The following IFI44 variants were observed in gnomAD, a reference collection of about 807,000 sequenced individuals.
IFI44 encodes interferon-induced protein 44.
IFI44 carries 42 observed loss-of-function variants against 45.0 expected under a neutral mutation model. The ratio of observed to expected loss-of-function variants is 0.93; its 90% confidence interval spans 0.73 to 1.21. IFI44 has a LOEUF of 1.21. IFI44 is among the 50% of genes most tolerant of loss of function. The pLI, the probability that IFI44 is intolerant of heterozygous loss-of-function variation, is 0.00. For missense variants in IFI44, 623 were observed against 525.8 expected (o/e 1.18, Z -1.81); for synonymous variants, 221 against 188.6 (o/e 1.17, Z -1.41).
chr1:78,659,471 T>C lies in IFI44; in HGVS notation c.1000T>C (p.Leu334=), dbSNP rs1300999122. Residue 334 remains leucine (L), a synonymous_variant, in exon 6 of 9, where the codon TTG becomes CTG. Transcript: ENST00000370747. ...IVKIKRIRRE[L]VNAGVVHVAL... ...AAAGATCAAAAGAATTCGAAGGGAG[T>C]TGGTAAACGCTGGTGAGTCTCATTC... 3 of 1,612,030 alleles carry C rather than the reference T, an allele frequency of 1.9e-6. No homozygotes were observed. Among genetic ancestry groups the C allele is most frequent in the African/African-American group, 2.7e-5 (2 of 74,840 alleles).
chr1:78,663,283 T>A, intron 8 of IFI44: 1 of 985,242 alleles, frequency 1.0e-6, no homozygotes, highest in Non-Finnish European at 1.2e-6. Flanking sequence ...CCTTAGGACC[T>A]TACACTCCTG....
intron 6 of IFI44, 26 bp downstream of exon 6, chr1:78,659,509 G>T (rs1647331227): frequency 6.3e-7 from 1 of 1,580,532 alleles, no homozygotes; most frequent in Admixed American, 1.7e-5. Flanking sequence ...CTTTGCTAAG[G>T]GTAATACCAC....
chr1:78,656,954 C>G (rs1465661317), intron 5 of IFI44, among the ~76,000 whole-genome samples: 2 of 151,496 alleles, frequency 1.3e-5, no homozygotes, highest in Admixed American at 6.6e-5. Flanking sequence ...TACTCAGCAT[C>G]AAAAATTTTT....
Position 78,662,744 on chromosome 1 carries a change from A to T in IFI44, c.1154A>T (p.Asp385Val). ...AGAAAACTTGGATTTGCTCTTTCTGACATCTCGGTGGTTAGCAATTATTCC... is the reference window on the plus strand; with the variant it reads ...AGAAAACTTGGATTTGCTCTTTCTGTCATCTCGGTGGTTAGCAATTATTCC... ...VQRKLGFALS[D>V]ISVVSNYSSE... The change falls in exon 8 of 9, where the codon GAC (aspartate) becomes GTC (valine). Residue 385 changes from aspartate to valine, a missense_variant. Coordinates refer to ENST00000370747, the MANE Select transcript of IFI44 (RefSeq NM_006417.5). 6.2e-7 allele frequency: 1 copy of T among 1,613,280 alleles called. No homozygotes were observed. The highest frequency in any genetic ancestry group is 2.2e-5 in the East Asian group (1 of 44,828).
At chr1:78,662,588 T>G (rs1647526045) in intron 7 of IFI44, 116 bp from the exon 8 acceptor site, 1 of 774,558 alleles carries the variant, frequency 1.3e-6, no homozygotes, top group Admixed American at 2.8e-5. Flanking sequence ...CTCCATTTTT[T>G]TCCAATGGGA....
intron 5 of IFI44, among the ~76,000 whole-genome samples, chr1:78,656,354 G>T (rs555032417): frequency 6.6e-6 from 1 of 152,182 alleles, no homozygotes; most frequent in Admixed American, 6.5e-5. Flanking sequence ...TTCAGATCTC[G>T]AATTAATCAG....
chr1:78,654,174 A>T (rs1178920694), intron 2 of IFI44, 69 bp from the exon 3 acceptor site: 1 of 821,258 alleles, frequency 1.2e-6, no homozygotes, highest in Non-Finnish European at 2.1e-6. Flanking sequence ...ATTCACTGAT[A>T]TTCATTCATT....
intron 5 of IFI44, among the ~76,000 whole-genome samples, chr1:78,656,257 C>T (rs1486066060): frequency 6.6e-6 from 1 of 152,164 alleles, no homozygotes; most frequent in African/African-American, 2.4e-5. Flanking sequence ...AAACACTGAG[C>T]ACTGTCAGTG....
Position 78,655,194 on chromosome 1 carries a change from T to C in IFI44, c.675T>C (p.Thr225=). The C allele has an allele frequency of 6.2e-7, 1 of 1,613,446 alleles. No homozygotes were observed. Among genetic ancestry groups the C allele is most frequent in the East Asian group, 2.2e-5 (1 of 44,858 alleles). ...THQALVGTNT[T]GISEKYRTYS... ...AGGCTTTGGTGGGCACTAATACAAC[T>C]GGGATATCTGAGAAGGTAAGCACAT... Residue 225 remains threonine, a synonymous_variant, in exon 4 of 9, where the codon ACT becomes ACC. Coordinates refer to ENST00000370747, the MANE Select transcript of IFI44 (RefSeq NM_006417.5).
At chr1:78,653,548 G>A (rs11577132) in intron 2 of IFI44, among the ~76,000 whole-genome samples, 7,038 of 152,074 alleles carry the variant, frequency 0.046, 244 homozygotes, top group Non-Finnish European at 0.073. Flanking sequence ...TGGTAGCATC[G>A]CTTATCCTTA....
chr1:78,660,817 G>C (rs1419765725), intron 7 of IFI44, 163 bp downstream of exon 7: 3 of 648,718 alleles, frequency 4.6e-6, no homozygotes, highest in Non-Finnish European at 8.5e-6. Context: ...AAATACAGTT[G>C]TTCCTTGGTA....
chr1:78,654,997 C>T lies in IFI44; in HGVS notation c.495-17C>T, dbSNP rs772388898. On this transcript the variant is annotated splice_polypyrimidine_tract_variant and intron_variant, in intron 3 of 8. Coordinates refer to ENST00000370747, the MANE Select transcript of IFI44 (RefSeq NM_006417.5). ...CCTAACCTCAGTCAATTGTTAAAAA[C>T]GGTCATGTCTAAACAGGCTCAGGAA... is the stretch of plus-strand genomic sequence containing the variant. The T allele has an allele frequency of 1.4e-5, 22 of 1,523,268 alleles. No homozygotes were observed. Among genetic ancestry groups the T allele is most frequent in the Admixed American group, 6.3e-5 (3 of 47,334 alleles). The allele number at this position is 1,523,268 out of a possible 1,614,324, so 94.4% of individuals were successfully genotyped here.
rs552933317 is a variant in IFI44 at position 78,658,072 on chromosome 1, C to T, written c.841-1240C>T. ...TCAGTGAGTAGAGTTAAGTAATATA[C>T]ATTTTAATGAAAAAAAATAAATTAT... On this transcript the variant is annotated intron_variant, in intron 5 of 8. Transcript: ENST00000370747. Among the ~76,000 whole-genome samples the T allele has an allele frequency of 7.5e-4, 114 of 152,062 alleles. 2 individuals are homozygous for T. The South Asian group carries it at 0.021, about 28-fold the overall frequency.
At position 78,660,636 on chromosome 1, in the gene IFI44, T is replaced by C. The variant is rs369926705; in HGVS notation, c.1095T>C (p.Cys365=). The C allele has an allele frequency of 4.3e-6, 7 of 1,611,528 alleles. No individual in the cohort carries two copies. The African/African-American group carries it at 6.7e-5, about 15-fold the overall frequency. Residue 365 remains cysteine, a synonymous_variant, in exon 7 of 9, where the codon TGT becomes TGC. Coordinates refer to ENST00000370747, the MANE Select transcript of IFI44 (RefSeq NM_006417.5). ...GTGACCTTATAGAAATAGAGAGATG[T>C]GAGCCTGTGAGGTCCAAGGTAATGA... The part of the protein sequence containing the change: ...TKGDLIEIER[C]EPVRSKLEEV...
chr1:78,663,613 C>T (rs1406501369), intron 8 of IFI44, 152 bp from the exon 9 acceptor site: 44 of 1,381,122 alleles, frequency 3.2e-5, no homozygotes, highest in Non-Finnish European at 3.7e-5. Context: ...CTAACTCTGC[C>T]ATCTTGGTTT....
At chr1:78,652,544 C>CT (rs1430003385) in intron 2 of IFI44, among the ~76,000 whole-genome samples, 1 of 152,182 alleles carries the variant, frequency 6.6e-6, no homozygotes, top group Non-Finnish European at 1.5e-5. Flanking sequence ...AGTTGTCTTC[C>CT]TTTTTTCCCT....
intron 3 of IFI44, 62 bp from the exon 4 acceptor site, chr1:78,654,952 T>A: frequency 8.1e-7 from 1 of 1,231,976 alleles, no homozygotes; most frequent in Non-Finnish European, 1.1e-6. Flanking sequence ...TCTCAGAAAA[T>A]TTATAATAAG....
chr1:78,652,092 AT>A (rs112936337), intron 2 of IFI44, among the ~76,000 whole-genome samples: 24 of 148,406 alleles, frequency 1.6e-4, no homozygotes, highest in Admixed American at 5.4e-4. Context: ...TGGAATCTGG[AT>A]TTTTTTTTTT....
rs990804334 is a variant in IFI44 at position 78,650,201 on chromosome 1, A to C, written c.6A>C (p.Ala2=). 1.9e-6 allele frequency: 3 copies of C among 1,599,366 alleles called. No homozygotes were observed. Among genetic ancestry groups the C allele is most frequent in the Non-Finnish European group, 2.6e-6 (3 of 1,168,478 alleles). M[A]VTTRLTWLHE... is the part of the protein sequence containing the mutation. ...TTGCCACTAGATCAAGAAGTATGGC[A>C]GTGACAACTCGTTTGACATGGTTGC... Residue 2 remains alanine, a synonymous_variant, in exon 2 of 9, where the codon GCA becomes GCC. Transcript: ENST00000370747.
Sources: allele counts gnomAD v4.1 joint callset (sites outside exome capture counted in the v4.1 genomes callset), GRCh38; gene constraint gnomAD v4.1.1; transcripts MANE v1.5; gene names NCBI Gene and HGNC (gene_info 2026-07-23, HGNC 2026-07-21).